Variants in COL5A2 observed in about 807,000 individuals in gnomAD.
The protein encoded by COL5A2 is collagen type V alpha 2 chain, also known as collagen alpha-2(V) chain.
COL5A2 carries 23 observed loss-of-function variants against 208.2 expected under a neutral mutation model. That is an observed-to-expected ratio of 0.11 (90% CI 0.08 to 0.16). COL5A2 has a LOEUF of 0.16. Among genes scored for constraint, COL5A2 ranks in the 10% least tolerant of loss-of-function variants. The probability of loss-of-function intolerance (pLI) is 1.00; values close to 1 mark genes in which losing one functional copy is unlikely to be tolerated. For synonymous variants in COL5A2, 625 were observed against 628.5 expected (o/e 0.99, Z 0.08); for missense variants, 1,590 against 1,956.4 (o/e 0.81, Z 3.53).
At chr2:189,138,355 T>A (rs939557452) in intron 1 of COL5A2, among the ~76,000 whole-genome samples, 16 of 152,256 alleles carry the variant, frequency 1.1e-4, no homozygotes, top group South Asian at 8.3e-4. Flanking sequence ...GATTTGCTTC[T>A]GTTTATATAT....
intron 35 of COL5A2, among the ~76,000 whole-genome samples, chr2:189,054,887 ATTT>A (rs60485002): frequency 1.4e-5 from 2 of 140,826 alleles, no homozygotes; most frequent in Admixed American, 7.1e-5. Flanking sequence ...AGTTTTCTTC[ATTT>A]TTTTTTTTTT....
At chr2:189,201,388 G>A (rs1689066349) in intron 1 of COL5A2, among the ~76,000 whole-genome samples, 1 of 151,812 alleles carries the variant, frequency 6.6e-6, no homozygotes, top group African/African-American at 2.4e-5. Context: ...TTCAAAAATT[G>A]GAAGATACAA....
At position 189,053,432 on chromosome 2, in the gene COL5A2, C is replaced by T. The variant is rs368239207; in HGVS notation, c.2545G>A (p.Gly849Arg). 1.2e-6 allele frequency: 2 copies of T among 1,613,358 alleles called. No homozygotes were observed. Among genetic ancestry groups the T allele is most frequent in the Non-Finnish European group, 1.7e-6 (2 of 1,179,590 alleles). Residue 849 changes from glycine to arginine, a missense_variant, in exon 38 of 54, where the codon GGA becomes AGA. Physicochemically the swap from Gly to Arg is moderately radical, Grantham distance 125. Coordinates refer to ENST00000374866, the MANE Select transcript of COL5A2 (RefSeq NM_000393.5). ...ATATTTGAAAATTATACCTGGGGTC[C>T]GGCAAAACCAACAGCTCCAGTTGGC... ...NGPTGAVGFA[G>R]PQGPDGQPGV...
In COL5A2 at chr2:189,079,943, A is replaced by G. The variant is rs75310549; in HGVS notation, c.960+35T>C. On this transcript the variant is annotated intron_variant, in intron 14 of 53. Transcript: ENST00000374866. ...ACATTTGAAGCAAAACTAAGATGCC[A>G]AAGTGAGGTTACAGTGAGATAATTA... 8.7e-4 allele frequency: 1,376 copies of G among 1,581,866 alleles called. 5 individuals are homozygous for G. The East Asian group carries it at 0.013, about 14-fold the overall frequency.
chr2:189,226,737 C>A (rs920378845), upstream of COL5A2, among the ~76,000 whole-genome samples: 11 of 152,064 alleles, frequency 7.2e-5, no homozygotes, highest in Admixed American at 6.6e-4. Flanking sequence ...AGGCCTCCCC[C>A]TCAAGGAGGA....
At chr2:189,355,233 G>T in the COL5A2 span, among the ~76,000 whole-genome samples, 76 of 152,250 alleles carry the variant, frequency 5.0e-4, no homozygotes, top group African/African-American at 1.8e-3. Context: ...GTGTGATGTG[G>T]TGCTGAGAAG....
At chr2:189,148,449 C>CA (rs1296925511) in intron 1 of COL5A2, among the ~76,000 whole-genome samples, 1 of 152,016 alleles carries the variant, frequency 6.6e-6, no homozygotes, top group Admixed American at 6.6e-5. Flanking sequence ...GCAGAAGACA[C>CA]AGGTCTTCTA....
the COL5A2 span, among the ~76,000 whole-genome samples, chr2:189,311,009 C>G: frequency 2.0e-4 from 30 of 151,932 alleles, no homozygotes; most frequent in African/African-American, 7.0e-4. Context: ...GGCTGGAGTT[C>G]CAGGCCAGTG....
In COL5A2 at chr2:189,034,101, C is replaced by T; in HGVS notation, c.4469G>A (p.Gly1490Asp). 1.2e-6 allele frequency: 2 copies of T among 1,613,976 alleles called. No homozygotes were observed. Among genetic ancestry groups the T allele is most frequent in the Non-Finnish European group, 8.5e-7 (1 of 1,179,932 alleles). ...VDVGGTDQEF[G>D]VEIGPVCFV The stretch of plus-strand genomic sequence containing the variant: ...AAAACAAACTGGCCCAATTTCAACG[C>T]CGAATTCCTGGTCTGTGCCGCCAAC... The change falls in exon 54 of 54, where the codon GGC (glycine) becomes GAC (aspartate). Residue 1490 changes from glycine (G) to aspartate (D), a missense_variant. Coordinates refer to ENST00000374866, the MANE Select transcript of COL5A2 (RefSeq NM_000393.5).
intron 1 of COL5A2, among the ~76,000 whole-genome samples, chr2:189,212,612 C>A (rs13031609): frequency 0.74 from 110,961 of 149,550 alleles, 43,494 homozygotes; most frequent in Non-Finnish European, 0.87. Context: ...TCACTCCAGC[C>A]TGGGCAATAG....
intron 47 of COL5A2, among the ~76,000 whole-genome samples, chr2:189,044,111 C>T (rs376739055): frequency 1.8e-4 from 27 of 152,156 alleles, no homozygotes; most frequent in African/African-American, 4.6e-4. Flanking sequence ...ACTATAGAAC[C>T]GGATTCTGTT....
At chr2:189,289,270 G>A in the COL5A2 span, among the ~76,000 whole-genome samples, 1 of 152,076 alleles carries the variant, frequency 6.6e-6, no homozygotes, top group African/African-American at 2.4e-5. Context: ...GAACCTGGGA[G>A]GCGGAGGTTG....
chr2:189,287,993 A>T, the COL5A2 span, among the ~76,000 whole-genome samples: 1 of 152,174 alleles, frequency 6.6e-6, no homozygotes, highest in Non-Finnish European at 1.5e-5. Flanking sequence ...TGTATTACAT[A>T]CAAGCAAAAA....
the COL5A2 span, among the ~76,000 whole-genome samples, chr2:189,294,499 A>G: frequency 1.3e-5 from 2 of 152,300 alleles, no homozygotes; most frequent in East Asian, 1.9e-4. Flanking sequence ...TATATTCCTA[A>G]TAACCTGTTA....
At chr2:189,181,979 T>C (rs550935173), upstream of COL5A2, among the ~76,000 whole-genome samples, 16 of 152,342 alleles carry the variant, frequency 1.1e-4, no homozygotes, top group Admixed American at 3.3e-4. Flanking sequence ...ATATTCCATA[T>C]TGTCCTTGTG....
chr2:189,164,536 T>C (rs1688429686), intron 1 of COL5A2, among the ~76,000 whole-genome samples: 1 of 152,180 alleles, frequency 6.6e-6, no homozygotes, highest in Admixed American at 6.5e-5. Flanking sequence ...TTACCTTCTT[T>C]TATTTCTATG....
intron 1 of COL5A2, among the ~76,000 whole-genome samples, chr2:189,143,348 T>C (rs2105775723): frequency 6.6e-6 from 1 of 152,264 alleles, no homozygotes; most frequent in African/African-American, 2.4e-5. Context: ...CTGTTTTCTA[T>C]TTCAGACAGA....
chr2:189,288,465 A>G, the COL5A2 span, among the ~76,000 whole-genome samples: 1 of 152,212 alleles, frequency 6.6e-6, no homozygotes, highest in Admixed American at 6.5e-5. Flanking sequence ...AACAAACTGT[A>G]TAGCCTAGAA....
chr2:189,243,345 T>C, the COL5A2 span, among the ~76,000 whole-genome samples: 1 of 152,072 alleles, frequency 6.6e-6, no homozygotes, highest in Admixed American at 6.5e-5. Flanking sequence ...TAAAGACATA[T>C]CCAAAACTGG....
Sources: allele counts gnomAD v4.1 joint callset (sites outside exome capture counted in the v4.1 genomes callset), GRCh38; gene constraint gnomAD v4.1.1; transcripts MANE v1.5; gene names NCBI Gene and HGNC (gene_info 2026-07-23, HGNC 2026-07-21).